Variants in AQR observed in about 807,000 individuals in gnomAD.
The protein encoded by AQR is RNA helicase aquarius.
A neutral mutation model predicts 180.5 loss-of-function variants in AQR; 61 were observed. The ratio of observed to expected loss-of-function variants is 0.34; its 90% CI spans 0.28 to 0.42. AQR has a LOEUF of 0.42. Ranked by LOEUF, AQR falls within the 10% of genes least tolerant of loss-of-function variation. The pLI is 1.00. For synonymous variants in AQR, 551 were observed against 588.8 expected (o/e 0.94, Z 0.93); for missense variants, 1,281 against 1,798.3 (o/e 0.71, Z 5.20).
rs767045745 is a variant in AQR at position 34,882,652 on chromosome 15, G to A, written c.3028-13C>T. 2 of 1,589,730 alleles carry A rather than the reference G, an allele frequency of 1.3e-6. No homozygotes were observed. The highest frequency in any genetic ancestry group is 2.7e-5 in the African/African-American group (2 of 74,052). On this transcript the variant is annotated splice_polypyrimidine_tract_variant and intron_variant, in intron 26 of 34. Coordinates refer to ENST00000156471, the MANE Select transcript of AQR (RefSeq NM_014691.3). ...AGGCTCTGAATTCCTATGGAAACGA[G>A]GAGCAATGAAAGATAATTTTAGGAA...
chr15:34,870,636 T>C, intron 31 of AQR, 116 bp downstream of exon 31: 7 of 870,838 alleles, frequency 8.0e-6, no homozygotes, highest in South Asian at 3.2e-5. Context: ...GTTCCCATTA[T>C]TTCATTTTCT....
intron 3 of AQR, among the ~76,000 whole-genome samples, chr15:34,954,913 AG>A (rs1179351300): frequency 6.6e-6 from 1 of 152,128 alleles, no homozygotes; most frequent in African/African-American, 2.4e-5. Flanking sequence ...GCCTGAGCTC[AG>A]GGGTTCGAGA....
chr15:34,920,724 C>T (rs1190750094), intron 13 of AQR, among the ~76,000 whole-genome samples: 2 of 152,058 alleles, frequency 1.3e-5, no homozygotes, highest in Non-Finnish European at 2.9e-5. Context: ...TTTGGGAGGC[C>T]GAGGCAGGCA....
At chr15:34,938,946 A>G (rs908706766) in intron 8 of AQR, 133 bp from the exon 9 acceptor site, 1 of 614,532 alleles carries the variant, frequency 1.6e-6, no homozygotes, top group Admixed American at 2.8e-5. Context: ...CTATAACTTC[A>G]ATATACAGCT....
Position 34,856,693 on chromosome 15 carries a change from A to T in AQR, c.*99T>A. ...CAAATATAAGAACTAAACATTAATT[A>T]GTGACAGTAAAATGGCAGAAGCAAA... On this transcript the variant is annotated 3_prime_UTR_variant, in exon 35 of 35. Coordinates refer to ENST00000156471, the MANE Select transcript of AQR (RefSeq NM_014691.3). The T allele has an allele frequency of 1.0e-6, 1 of 981,326 alleles. No individual in the cohort carries two copies. The highest frequency in any genetic ancestry group is 1.4e-6 in the Non-Finnish European group (1 of 693,562). 60.8% of individuals were successfully genotyped at this position (981,326 alleles called of 1,614,324 possible).
intron 6 of AQR, chr15:34,943,120 A>C: frequency 6.2e-7 from 1 of 1,611,812 alleles, no homozygotes; most frequent in South Asian, 1.1e-5. Context: ...TTCTGTAAGA[A>C]GTGTGGCAAG....
intron 25 of AQR, 86 bp from the exon 26 acceptor site, chr15:34,884,820 C>T: frequency 9.8e-7 from 1 of 1,024,832 alleles, no homozygotes; most frequent in Non-Finnish European, 1.4e-6. Context: ...AAAACAAGAT[C>T]TGCTAGGTGA....
chr15:34,946,497 C>T (rs1470278229), intron 5 of AQR, among the ~76,000 whole-genome samples: 1 of 142,418 alleles, frequency 7.0e-6, no homozygotes, highest in East Asian at 2.2e-4. Context: ...GTCAGCCCCC[C>T]GCCCGGCCAG....
In AQR at chr15:34,856,916, G is replaced by A; in HGVS notation, c.4334C>T (p.Thr1445Ile). 6.2e-7 allele frequency: 1 copy of A among 1,614,094 alleles called. No homozygotes were observed. Among genetic ancestry groups the A allele is most frequent in the Non-Finnish European group, 8.5e-7 (1 of 1,180,006 alleles). ...AGCAGGGATGGCTTCTGGAGTGGAA[G>A]TGGCTCCTGTCTCACTGGGGGTGGT... ...TDTTPSETGA[T>I]STPEAIPALS... The change falls in exon 35 of 35, where the codon ACT becomes ATT. Residue 1445 changes from threonine to isoleucine, a missense_variant. Thr to Ile is a moderately conservative substitution (Grantham distance 89). Coordinates refer to ENST00000156471, the MANE Select transcript of AQR (RefSeq NM_014691.3).
Position 34,927,052 on chromosome 15 carries a change from C to G in AQR, c.1101G>C (p.Lys367Asn). 6.3e-7 allele frequency: 1 copy of G among 1,586,014 alleles called. No homozygotes were observed. The highest frequency in any genetic ancestry group is 8.6e-7 in the Non-Finnish European group (1 of 1,166,320). ...TGTCTTACCTAAGAGGTCCAAAAAA[C>G]TTGACCAAGGACTCCCGAGTATCTA... is the stretch of plus-strand genomic sequence containing the variant. Reference protein sequence around the residue: ...AEVDTRESLVKFFGPLSSNTL... With the variant: ...AEVDTRESLVNFFGPLSSNTL... The change falls in exon 13 of 35, where the codon AAG (lysine) becomes AAC (asparagine). Residue 367 changes from lysine (K) to asparagine (N), a missense_variant. Lys to Asn is a moderately conservative substitution (Grantham distance 94). Coordinates refer to ENST00000156471, the MANE Select transcript of AQR (RefSeq NM_014691.3).
intron 6 of AQR, 21 bp from the exon 7 acceptor site, chr15:34,942,101 A>G (rs1894031668): frequency 6.3e-7 from 1 of 1,596,936 alleles, no homozygotes; most frequent in Non-Finnish European, 8.6e-7. Flanking sequence ...CATGAAGAAA[A>G]TAAGTTTATA....
intron 20 of AQR, among the ~76,000 whole-genome samples, chr15:34,899,507 T>C (rs1164539433): frequency 1.3e-5 from 2 of 151,824 alleles, no homozygotes; most frequent in Non-Finnish European, 2.9e-5. Context: ...GCTTCCCGAA[T>C]AGCTGGGACT....
At chr15:34,922,895 T>C (rs1006616118) in intron 13 of AQR, among the ~76,000 whole-genome samples, 12 of 152,304 alleles carry the variant, frequency 7.9e-5, no homozygotes, top group African/African-American at 2.9e-4. Flanking sequence ...CTAAACATGT[T>C]AAGCATCTTT....
Position 34,862,958 on chromosome 15 carries a change from C to T in AQR, c.3938G>A (p.Cys1313Tyr). 2 of 1,613,848 alleles carry T rather than the reference C, an allele frequency of 1.2e-6. No homozygotes were observed. The highest frequency in any genetic ancestry group is 1.7e-6 in the Non-Finnish European group (2 of 1,179,872). ...ACTGAAAGCTGGAGTCAGTTCAAAA[C>T]AGTTTTGGAAGAGGGATACTCTGGC... ...IFARVSLFQN[C>Y]FELTPAFSQL... Residue 1313 changes from cysteine to tyrosine, a missense_variant, in exon 33 of 35, where the codon TGT (cysteine) becomes TAT (tyrosine). Physicochemically the swap from Cys to Tyr is radical, Grantham distance 194 (BLOSUM62 -2). Transcript: ENST00000156471.
chr15:34,934,554 C>A lies in AQR; in HGVS notation c.783+17G>T. 1 of 1,566,500 alleles carries A rather than the reference C, an allele frequency of 6.4e-7. No individual in the cohort carries two copies. Among genetic ancestry groups the A allele is most frequent in the Non-Finnish European group, 8.6e-7 (1 of 1,160,134 alleles). ...CCTAATGATTATATAACAAAAAAGT[C>A]ACGGTAGATTTCTTACCTCTAGATC... On this transcript the variant is annotated intron_variant, in intron 10 of 34. Transcript: ENST00000156471.
chr15:34,940,216 C>T (rs1310810713), intron 8 of AQR, among the ~76,000 whole-genome samples: 1 of 152,162 alleles, frequency 6.6e-6, no homozygotes, highest in Non-Finnish European at 1.5e-5. Flanking sequence ...CAGCTGCAAG[C>T]TTCTGAAAAC....
intron 10 of AQR, 95 bp downstream of exon 10, chr15:34,934,476 A>T (rs979764338): frequency 1.3e-5 from 9 of 698,328 alleles, no homozygotes; most frequent in African/African-American, 3.8e-5. Flanking sequence ...TATTGAAAAG[A>T]AAAGGAAAGA....
intron 13 of AQR, among the ~76,000 whole-genome samples, chr15:34,924,919 T>TAAAAAAAAAAAAAAAA (rs34745223): frequency 1.5e-5 from 2 of 134,016 alleles, no homozygotes; most frequent in Non-Finnish European, 3.2e-5. Flanking sequence ...AAGCTAAATG[T>TAAAAAAAAAAAAAAAA]AAAAAAAAAA....
intron 23 of AQR, among the ~76,000 whole-genome samples, chr15:34,891,329 AAAC>A (rs1410882083): frequency 7.2e-5 from 11 of 152,186 alleles, no homozygotes; most frequent in Non-Finnish European, 1.5e-4. Flanking sequence ...TAAAAACAAA[AAAC>A]AAAACCCCCA....
Sources: allele counts gnomAD v4.1 joint callset (sites outside exome capture counted in the v4.1 genomes callset), GRCh38; gene constraint gnomAD v4.1.1; transcripts MANE v1.5; gene names NCBI Gene and HGNC (gene_info 2026-07-23, HGNC 2026-07-21).